The following MID1 variants were observed in gnomAD, a reference collection of about 807,000 sequenced individuals.
MID1 encodes the protein midline 1.
In MID1, 7 loss-of-function variants were observed where a neutral mutation model predicts 40.4. The observed-to-expected ratio is 0.17, with a 90% CI of 0.10 to 0.33. MID1 has a LOEUF of 0.33. MID1 is among the 10% of genes least tolerant of loss of function. MID1 has a pLI of 1.00. For synonymous variants in MID1, 229 were observed against 221.2 expected (o/e 1.04, Z -0.31); for missense variants, 367 against 558.5 (o/e 0.66, Z 3.46).
intron 3 of MID1, among the ~76,000 whole-genome samples, chrX:10,502,306 T>C (rs1931589288): frequency 8.9e-6 from 1 of 112,596 alleles, no homozygotes; most frequent in African/African-American, 3.2e-5. Context: ...TAGCCATCCA[T>C]AGACTTTCAG....
At chrX:10,462,015 A>G (rs1929072699) in intron 7 of MID1, among the ~76,000 whole-genome samples, 1 of 112,106 alleles carries the variant, frequency 8.9e-6, no homozygotes, top group Non-Finnish European at 1.9e-5. Flanking sequence ...CTAAAATCCA[A>G]AGTCTTAACC....
chrX:10,585,784 T>TAAGACA (rs1935128058), intron 1 of MID1, among the ~76,000 whole-genome samples: 2 of 111,496 alleles, frequency 1.8e-5, no homozygotes, highest in African/African-American at 6.5e-5. Flanking sequence ...CCACATTTAT[T>TAAGACA]TTTACACAGT....
At chrX:10,536,870 A>T (rs1459985950) in intron 2 of MID1, among the ~76,000 whole-genome samples, 1 of 112,052 alleles carries the variant, frequency 8.9e-6, no homozygotes, top group Admixed American at 9.5e-5. Context: ...AAGGCTTTGT[A>T]ATCAGGTCCC....
intron 1 of MID1, among the ~76,000 whole-genome samples, chrX:10,749,094 C>T (rs2043581677): frequency 9.0e-6 from 1 of 111,383 alleles, no homozygotes; most frequent in African/African-American, 3.3e-5. Context: ...TTGTTAATAG[C>T]CCACTATCTC....
At chrX:10,515,043 C>T (rs750763483) in intron 3 of MID1, among the ~76,000 whole-genome samples, 76 of 111,926 alleles carry the variant, frequency 6.8e-4, no homozygotes, top group Non-Finnish European at 1.3e-3. Context: ...ATCAGACACA[C>T]GTTCACAAGA....
intron 1 of MID1, among the ~76,000 whole-genome samples, chrX:10,672,580 T>C (rs1424306191): frequency 1.8e-5 from 2 of 111,647 alleles, no homozygotes; most frequent in Non-Finnish European, 3.8e-5. Context: ...CTCTTGAAGT[T>C]GGAAAAGCAG....
At chrX:10,719,041 G>A (rs1480593851) in intron 1 of MID1, among the ~76,000 whole-genome samples, 6 of 111,543 alleles carry the variant, frequency 5.4e-5, no homozygotes, top group Admixed American at 9.5e-5. Flanking sequence ...TTGATGGGAC[G>A]TATCTCAAAA....
At chrX:10,466,568 CA>C (rs1336954233) in intron 7 of MID1, among the ~76,000 whole-genome samples, 1 of 111,464 alleles carries the variant, frequency 9.0e-6, no homozygotes, top group African/African-American at 3.3e-5. Context: ...CATCTTTCCT[CA>C]CTTCTACCCA....
intron 3 of MID1, among the ~76,000 whole-genome samples, chrX:10,498,963 T>A (rs775394660): frequency 8.9e-6 from 1 of 111,937 alleles, no homozygotes; most frequent in Non-Finnish European, 1.9e-5. Flanking sequence ...TTCTTTGATA[T>A]AGGGGTGGAA....
At chrX:10,628,906 G>A (rs185266518) in intron 1 of MID1, among the ~76,000 whole-genome samples, 13 of 111,919 alleles carry the variant, frequency 1.2e-4, no homozygotes, top group African/African-American at 4.2e-4. Flanking sequence ...TGGTATATGG[G>A]ACATCGGAAT....
Position 10,482,504 on chromosome X carries a change from T to C in MID1, c.989A>G (p.Gln330Arg). Residue 330 changes from glutamine to arginine, a missense_variant, in exon 5 of 10, where the codon CAG becomes CGG. Transcript: ENST00000317552. ...CCTCTCGGTGATATTCTTAGCAGTC[T>C]GTAGGAAACGCGCATGATCATTCTC... ...LKENDHARFL[Q>R]TAKNITERVS... 1 of 1,211,048 alleles carries C rather than the reference T, an allele frequency of 8.3e-7. No individual in the cohort carries two copies. Among genetic ancestry groups the C allele is most frequent in the Non-Finnish European group, 1.1e-6 (1 of 895,454 alleles).
chrX:10,446,516 C>G lies in MID1; in HGVS notation c.*2852G>C, dbSNP rs1928045188. ...TTTAAAGCTGGAAAGAATCTTCACC[C>G]AGGCCCACCCTCATCTTAATCCACT... On this transcript the variant is annotated 3_prime_UTR_variant, in exon 10 of 10. Transcript: ENST00000317552. The G allele has an allele frequency of 8.9e-6, 1 of 112,029 alleles. No homozygotes were observed. The highest frequency in any genetic ancestry group is 3.8e-4 in the South Asian group (1 of 2,657). The allele number at this position is 112,029 out of a possible 1,213,427, so 9.2% of individuals were successfully genotyped here.
At chrX:10,781,205 T>C (rs1369319491) in intron 1 of MID1, among the ~76,000 whole-genome samples, 1 of 112,252 alleles carries the variant, frequency 8.9e-6, no homozygotes, top group Admixed American at 9.4e-5. Context: ...TTTTCAGTGA[T>C]GGAAATGAAC....
chrX:10,497,114 G>T (rs1046490628), intron 3 of MID1, among the ~76,000 whole-genome samples: 2 of 111,810 alleles, frequency 1.8e-5, no homozygotes, highest in African/African-American at 6.5e-5. Flanking sequence ...AATAAATTTA[G>T]CTATTGACAT....
At chrX:10,527,676 A>G (rs1287900085) in intron 2 of MID1, among the ~76,000 whole-genome samples, 1 of 110,894 alleles carries the variant, frequency 9.0e-6, no homozygotes, top group Non-Finnish European at 1.9e-5. Flanking sequence ...GAAGAAGCTG[A>G]TGTTCCTAGG....
At chrX:10,536,667 C>G (rs1050921274) in intron 2 of MID1, among the ~76,000 whole-genome samples, 1 of 112,135 alleles carries the variant, frequency 8.9e-6, no homozygotes, top group African/African-American at 3.2e-5. Flanking sequence ...AGAAGGTAGA[C>G]CAGGAGTTCT....
intron 6 of MID1, among the ~76,000 whole-genome samples, chrX:10,472,170 T>G (rs922187212): frequency 1.8e-5 from 2 of 112,387 alleles, no homozygotes; most frequent in Non-Finnish European, 3.8e-5. Context: ...CACAAAGACT[T>G]CATTTCCTGC....
At chrX:10,667,570 T>C (rs1313585827) in intron 1 of MID1, among the ~76,000 whole-genome samples, 2 of 112,104 alleles carry the variant, frequency 1.8e-5, no homozygotes, top group African/African-American at 3.2e-5. Context: ...AGAGAATTCA[T>C]AATGTTTTAC....
intron 1 of MID1, among the ~76,000 whole-genome samples, chrX:10,789,498 C>A (rs753746252): frequency 8.9e-6 from 1 of 111,967 alleles, no homozygotes; most frequent in African/African-American, 3.2e-5. Flanking sequence ...TTTAGATACA[C>A]AAATACCATT....
Sources: allele counts gnomAD v4.1 joint callset (sites outside exome capture counted in the v4.1 genomes callset), GRCh38; gene constraint gnomAD v4.1.1; transcripts MANE v1.5; gene names NCBI Gene and HGNC (gene_info 2026-07-23, HGNC 2026-07-21).